GRAMD2B: variants seen among roughly 807,000 people sequenced by gnomAD.
GRAMD2B encodes GRAM domain-containing protein 2B.
Under a neutral mutation model 59.2 loss-of-function variants are expected in GRAMD2B, and 41 were observed. The ratio of observed to expected loss-of-function variants is 0.69; its 90% CI spans 0.54 to 0.90. The LOEUF (loss-of-function observed/expected upper bound fraction) is 0.90, where lower values mean the gene tolerates loss of function less well. Among genes scored for constraint, GRAMD2B ranks in the 40% least tolerant of loss-of-function variants. The probability of loss-of-function intolerance (pLI) is 0.00; values close to 1 mark genes in which losing one functional copy is unlikely to be tolerated. For missense variants in GRAMD2B, 424 were observed against 500.5 expected, an observed-to-expected ratio of 0.85 and a Z score of 1.46; for synonymous variants, 161 against 182.7, an observed-to-expected ratio of 0.88 and a Z score of 0.96.
intron 11 of GRAMD2B, among the ~76,000 whole-genome samples, chr5:126,486,173 C>A (rs1050232264): frequency 2.6e-5 from 4 of 152,120 alleles, no homozygotes; most frequent in African/African-American, 9.7e-5. Context: ...ATATCCATCA[C>A]CCTTATCATC....
In GRAMD2B at chr5:126,486,887, T is replaced by G; in HGVS notation, c.1073T>G (p.Ile358Ser). ...IFYAIVVCAL[I>S]ISTFYMRYRI... Reference sequence around the variant, plus strand: ...TCCGTTTCCAGTGTCTGTGCACTAATCATCTCGACCTTCTACATGAGATAC... The same window carrying G: ...TCCGTTTCCAGTGTCTGTGCACTAAGCATCTCGACCTTCTACATGAGATAC... Residue 358 changes from isoleucine (I) to serine (S), a missense_variant, in exon 12 of 14, where the codon ATC becomes AGC. Physicochemically the swap from Ile to Ser is moderately radical, Grantham distance 142. Coordinates refer to ENST00000285689, the MANE Select transcript of GRAMD2B (RefSeq NM_023927.4). The G allele has an allele frequency of 6.2e-7, 1 of 1,609,552 alleles. No homozygotes were observed.
intron 1 of GRAMD2B, among the ~76,000 whole-genome samples, chr5:126,378,803 A>T (rs1755418450): frequency 1.3e-5 from 2 of 152,218 alleles, no homozygotes. Flanking sequence ...ATTTTACACA[A>T]ATGGTTTTGA....
chr5:126,427,448 A>G (rs556044765), intron 1 of GRAMD2B, among the ~76,000 whole-genome samples: 1 of 152,356 alleles, frequency 6.6e-6, no homozygotes, highest in South Asian at 2.1e-4. Flanking sequence ...GAATTAAATT[A>G]CATGTAATAT....
chr5:126,472,833 C>G (rs1769877136), intron 4 of GRAMD2B, among the ~76,000 whole-genome samples: 1 of 152,198 alleles, frequency 6.6e-6, no homozygotes, highest in South Asian at 2.1e-4. Context: ...AGGCAAGATG[C>G]TGGGTTCCTG....
At chr5:126,458,472 A>G (rs1053900106) in intron 1 of GRAMD2B, among the ~76,000 whole-genome samples, 1 of 151,578 alleles carries the variant, frequency 6.6e-6, no homozygotes, top group East Asian at 1.9e-4. Context: ...GAGGGGCTAG[A>G]GAAAAAATAA....
At position 126,473,288 on chromosome 5, in the gene GRAMD2B, G is replaced by A; in HGVS notation, c.406G>A (p.Glu136Lys). The A allele has an allele frequency of 6.7e-7, 1 of 1,484,822 alleles. No homozygotes were observed. 92.0% of individuals were successfully genotyped at this position (1,484,822 alleles called of 1,614,324 possible). ...AGGCTTTACCTGTGCTCTACAGAAA[G>A]AAATACTATACCAAGGAAAGCTCTT... ...KQSFTCALQK[E>K]ILYQGKLFVS... The change falls in exon 5 of 14, where the codon GAA becomes AAA. Residue 136 changes from glutamate to lysine, a missense_variant. Physicochemically the swap from Glu to Lys is moderately conservative, Grantham distance 56 (BLOSUM62 1). Coordinates refer to ENST00000285689, the MANE Select transcript of GRAMD2B (RefSeq NM_023927.4).
chr5:126,381,003 C>A lies in GRAMD2B; in HGVS notation c.125+9436C>A, dbSNP rs529847901. 3.9e-5 allele frequency among the ~76,000 whole-genome samples: 6 copies of A among 152,248 alleles called. No individual in the cohort carries two copies. In the East Asian group the frequency reaches 9.6e-4, roughly 24 times the overall value. ...CAGTTCTCAGGGGGAATGCTTTCAACTTTTCACCATTCAGTATAATGTTGG... is the reference window on the plus strand; with the variant it reads ...CAGTTCTCAGGGGGAATGCTTTCAAATTTTCACCATTCAGTATAATGTTGG... On this transcript the variant is annotated intron_variant, in intron 1 of 8. Coordinates refer to the GRAMD2B transcript ENST00000506445.
At chr5:126,452,518 G>C (rs1765557474) in intron 1 of GRAMD2B, among the ~76,000 whole-genome samples, 1 of 152,150 alleles carries the variant, frequency 6.6e-6, no homozygotes, top group Non-Finnish European at 1.5e-5. Flanking sequence ...TTCATAAACT[G>C]TCACATCTCA....
Position 126,435,623 on chromosome 5 carries a change from T to C in GRAMD2B, c.83+11934T>C, listed in dbSNP as rs76201830. 2.6e-3 allele frequency among the ~76,000 whole-genome samples: 399 copies of C among 152,330 alleles called. 4 individuals are homozygous for C. The highest frequency in any genetic ancestry group is 9.2e-3 in the African/African-American group (384 of 41,576). ...CTCTTTGGTCTTCAGTTTCCTCCTC[T>C]GTAAAGAGAGAGGGCTGAATGACCT... On this transcript the variant is annotated intron_variant, in intron 1 of 13. Coordinates refer to ENST00000285689, the MANE Select transcript of GRAMD2B (RefSeq NM_023927.4).
Position 126,472,748 on chromosome 5 carries a change from C to T in GRAMD2B, c.382+444C>T, listed in dbSNP as rs187185536. ...TCTTGCCCAGCATGCTAGTTAAGCA[C>T]GCCTACTAGACTCTGCAGTGGTTCA... is the stretch of plus-strand genomic sequence containing the variant. On this transcript the variant is annotated intron_variant, in intron 4 of 13. Transcript: ENST00000285689. 2.6e-3 allele frequency among the ~76,000 whole-genome samples: 403 copies of T among 152,290 alleles called. 7 individuals are homozygous for T. The highest frequency in any genetic ancestry group is 0.018 in the Admixed American group (281 of 15,300).
At chr5:126,394,820 G>A (rs1757217244) in intron 1 of GRAMD2B, among the ~76,000 whole-genome samples, 1 of 152,154 alleles carries the variant, frequency 6.6e-6, no homozygotes, top group Non-Finnish European at 1.5e-5. Flanking sequence ...TTAAATAAAA[G>A]CCATGGGTTT....
chr5:126,462,945 A>G lies in GRAMD2B; in HGVS notation c.84-2481A>G, dbSNP rs114808287. On this transcript the variant is annotated intron_variant, in intron 1 of 13. Transcript: ENST00000285689. Reference sequence around the variant, plus strand: ...CATCCTTGAAAGACATTGTTTTAGTAGGACAATATAGAGGCATGCACTGTA... The same window carrying G: ...CATCCTTGAAAGACATTGTTTTAGTGGGACAATATAGAGGCATGCACTGTA... 6.1e-3 allele frequency among the ~76,000 whole-genome samples: 922 copies of G among 152,336 alleles called. 12 individuals are homozygous for G. The highest frequency in any genetic ancestry group is 0.021 in the African/African-American group (869 of 41,580).
At chr5:126,360,551 A>T in intron 1 of GRAMD2B, 2 of 1,245,606 alleles carry the variant, frequency 1.6e-6, no homozygotes, top group Non-Finnish European at 2.2e-6. Flanking sequence ...TTAAGGACAG[A>T]GTGTCTCCAC....
intron 1 of GRAMD2B, among the ~76,000 whole-genome samples, chr5:126,364,893 T>C (rs750424868): frequency 6.6e-6 from 1 of 152,224 alleles, no homozygotes; most frequent in African/African-American, 2.4e-5. Flanking sequence ...TCCACTACTC[T>C]GGCCCCTGGT....
At chr5:126,426,453 G>A (rs1255644431) in intron 1 of GRAMD2B, among the ~76,000 whole-genome samples, 3 of 152,114 alleles carry the variant, frequency 2.0e-5, no homozygotes, top group Non-Finnish European at 4.4e-5. Context: ...CTGTTATTAT[G>A]ACGATTAATT....
At chr5:126,364,714 TACATGC>T (rs796376619) in intron 1 of GRAMD2B, among the ~76,000 whole-genome samples, 18 of 152,348 alleles carry the variant, frequency 1.2e-4, no homozygotes, top group African/African-American at 4.3e-4. Flanking sequence ...GTATTTTAAG[TACATGC>T]ATTCTAAGGT....
intron 1 of GRAMD2B, among the ~76,000 whole-genome samples, chr5:126,446,530 A>G (rs1764262739): frequency 6.6e-6 from 1 of 151,588 alleles, no homozygotes; most frequent in African/African-American, 2.4e-5. Flanking sequence ...ACCGTGACTG[A>G]TTTTAAAACA....
chr5:126,422,915 A>AC (rs28372817), upstream of GRAMD2B, among the ~76,000 whole-genome samples: 18,984 of 141,148 alleles, frequency 0.13, 1,402 homozygotes, highest in South Asian at 0.21. Flanking sequence ...CCCTCTAACC[A>AC]CCCCCCCCAC....
exon 1 of GRAMD2B, chr5:126,371,355 C>A: frequency 8.3e-7 from 1 of 1,208,178 alleles, no homozygotes; most frequent in Non-Finnish European, 1.1e-6. Context: ...CTGTACAAAG[C>A]TGAAACGCAG....
Sources: gnomAD v4.1 joint callset for allele counts (sites outside exome capture counted in the v4.1 genomes callset) on GRCh38, gnomAD v4.1.1 for gene constraint, MANE v1.5 for transcripts, NCBI Gene and HGNC (gene_info 2026-07-23, HGNC 2026-07-21) for gene names.